CACNA1C: variants seen among roughly 807,000 people sequenced by gnomAD.
CACNA1C encodes voltage-dependent L-type calcium channel subunit alpha-1C.
Under a neutral mutation model 229.0 loss-of-function variants are expected in CACNA1C, and 30 were observed. The observed-to-expected ratio is 0.13, with a 90% CI of 0.10 to 0.18. The LOEUF (loss-of-function observed/expected upper bound fraction) is 0.18, where lower values mean the gene tolerates loss of function less well. Among genes scored for constraint, CACNA1C ranks in the 10% least tolerant of loss-of-function variants. The pLI is 1.00. For synonymous variants in CACNA1C, 1,114 were observed against 1,132.5 expected (o/e 0.98, Z 0.33); for missense variants, 1,658 against 2,845.0 (o/e 0.58, Z 9.49).
chr12:2,290,711 C>T (rs2093400971), intron 3 of CACNA1C, among the ~76,000 whole-genome samples: 1 of 152,218 alleles, frequency 6.6e-6, no homozygotes, highest in South Asian at 2.1e-4. Context: ...CCTGCTGCCT[C>T]CAGGGCTGCT....
intron 3 of CACNA1C, among the ~76,000 whole-genome samples, chr12:2,363,341 C>T (rs2097619662): frequency 6.6e-6 from 1 of 152,182 alleles, no homozygotes; most frequent in Non-Finnish European, 1.5e-5. Context: ...ATCATTCTTC[C>T]CCTCTCCATA....
At position 2,689,507 on chromosome 12, in the gene CACNA1C, TTCAGCTCACATGG is replaced by T. The variant is rs1206853032; in HGVS notation, c.6117+729_6117+741del. On this transcript the variant is annotated intron_variant, in intron 46 of 46. Transcript: ENST00000399655. The surrounding 1 kb of genome is among the most constrained non-coding windows in gnomAD (Gnocchi z 4.2). ...AGGCTCAGCCCACCAGCGGACAGAT[TTCAGCTCACATGG>T]GGAAGACCTTCCCAAATGAGCTCTT... 1.3e-5 allele frequency among the ~76,000 whole-genome samples: 2 copies of T among 151,902 alleles called. No homozygotes were observed. The highest frequency in any genetic ancestry group is 4.8e-5 in the African/African-American group (2 of 41,340).
rs2098703512 is a variant in CACNA1C, at chr12:2,403,627, T to TGATTATCTATAGATAATCTATAGATGATA, written c.478-45347_478-45346insTTATCTATAGATAATCTATAGATGATAGA. Reference sequence around the variant, plus strand: ...GAGACAAGATAATTTATAGATGCATTGACACTATATGATTAGGAAAGTACA... The same window carrying TGATTATCTATAGATAATCTATAGATGATA: ...GAGACAAGATAATTTATAGATGCATTGATTATCTATAGATAATCTATAGATGATAGACACTATATGATTAGGAAAGTACA... On this transcript the variant is annotated intron_variant, in intron 3 of 46. Transcript: ENST00000399655. The surrounding 1 kb of genome is among the most constrained non-coding windows in gnomAD (Gnocchi z 4.1). Among the ~76,000 whole-genome samples, 1 of 147,954 alleles carries TGATTATCTATAGATAATCTATAGATGATA rather than the reference T, an allele frequency of 6.8e-6. No individual in the cohort carries two copies. The highest frequency in any genetic ancestry group is 1.5e-5 in the Non-Finnish European group (1 of 67,264).
At chr12:2,661,316 A>ACACAC (rs1569115699) in intron 34 of CACNA1C, among the ~76,000 whole-genome samples, 1 of 128,496 alleles carries the variant, frequency 7.8e-6, no homozygotes, top group East Asian at 2.3e-4. Flanking sequence ...CACACACACA[A>ACACAC]GATTTTTCTA....
At chr12:2,255,277 A>AC (rs1166532659) in intron 3 of CACNA1C, among the ~76,000 whole-genome samples, 1 of 152,062 alleles carries the variant, frequency 6.6e-6, no homozygotes, top group Non-Finnish European at 1.5e-5. Flanking sequence ...AGAAAAAAAA[A>AC]AAAAAAAAAC....
intron 7 of CACNA1C, among the ~76,000 whole-genome samples, chr12:2,502,354 A>G (rs930183584): frequency 2.0e-5 from 3 of 152,242 alleles, no homozygotes; most frequent in Non-Finnish European, 2.9e-5. Context: ...GCCAGAACCA[A>G]CTGTCCTCGG....
rs770981040 is a variant in CACNA1C at position 2,695,896 on chromosome 12, C to T, written c.*4697C>T. The T allele has an allele frequency of 2.0e-5, 3 of 152,166 alleles. No homozygotes were observed. Among genetic ancestry groups the T allele is most frequent in the East Asian group, 1.9e-4 (1 of 5,190 alleles). 9.4% of individuals were successfully genotyped at this position (152,166 alleles called of 1,614,324 possible). A position where few individuals can be genotyped will look rare whatever the true frequency, so the allele number is the denominator to read the frequency against. ...TTGACGGGGGATGCTTGAACAACCC[C>T]CCTCACTACACAGACACACACCGTT... On this transcript the variant is annotated 3_prime_UTR_variant, in exon 47 of 47. Transcript: ENST00000399655.
chr12:2,161,853 G>A (rs2095874080), intron 3 of CACNA1C, among the ~76,000 whole-genome samples: 1 of 152,120 alleles, frequency 6.6e-6, no homozygotes, highest in Admixed American at 6.5e-5. Flanking sequence ...ATGCTGGTTG[G>A]GGATCTTTGT....
At chr12:2,238,572 A>T (rs987650626) in intron 3 of CACNA1C, among the ~76,000 whole-genome samples, 1 of 152,232 alleles carries the variant, frequency 6.6e-6, no homozygotes, top group Non-Finnish European at 1.5e-5. Flanking sequence ...ATGGTCAGGT[A>T]GCTCTGACAG....
At chr12:2,242,533 G>A (rs1005596436) in intron 3 of CACNA1C, among the ~76,000 whole-genome samples, 1 of 152,212 alleles carries the variant, frequency 6.6e-6, no homozygotes, top group African/African-American at 2.4e-5. Context: ...GAAACCTACT[G>A]TTTCTTAAAT....
chr12:2,046,049 G>A (rs893821404), intron 1 of CACNA1C, among the ~76,000 whole-genome samples: 2 of 152,038 alleles, frequency 1.3e-5, no homozygotes, highest in Non-Finnish European at 2.9e-5. Flanking sequence ...AAGTTGGAAA[G>A]GGACAAAGAA....
chr12:2,056,197 GTGT>G (rs2054740150), intron 1 of CACNA1C, among the ~76,000 whole-genome samples: 2 of 698 alleles, frequency 2.9e-3, no homozygotes, highest in Non-Finnish European at 5.4e-3. Flanking sequence ...GTGTGTGTGA[GTGT>G]GTGTGTGTGT....
At chr12:2,505,897 CT>C (rs770149390) in intron 8 of CACNA1C, among the ~76,000 whole-genome samples, 1 of 152,126 alleles carries the variant, frequency 6.6e-6, no homozygotes, top group East Asian at 1.9e-4. Flanking sequence ...TGGTCAGCTG[CT>C]TTGCAGAGTC....
chr12:2,100,772 G>C (rs1309151438), intron 1 of CACNA1C, among the ~76,000 whole-genome samples: 1 of 151,150 alleles, frequency 6.6e-6, no homozygotes, highest in Admixed American at 6.6e-5. Flanking sequence ...AGAAAAAAAG[G>C]TCGGGGGCAG....
intron 30 of CACNA1C, among the ~76,000 whole-genome samples, chr12:2,644,240 A>G (rs1377873141): frequency 1.3e-5 from 2 of 152,202 alleles, no homozygotes; most frequent in Admixed American, 1.3e-4. Context: ...CGTTTTCTGT[A>G]GGGCTAAGAC....
At chr12:2,211,667 CCA>C (rs1390365196) in intron 3 of CACNA1C, among the ~76,000 whole-genome samples, 1 of 151,646 alleles carries the variant, frequency 6.6e-6, no homozygotes, top group Non-Finnish European at 1.5e-5. Flanking sequence ...CCTCAAATTC[CCA>C]GTCATTTGGC....
intron 38 of CACNA1C, among the ~76,000 whole-genome samples, chr12:2,671,609 T>G (rs527404394): frequency 6.6e-5 from 10 of 151,944 alleles, no homozygotes; most frequent in African/African-American, 2.4e-4. Flanking sequence ...GGCAGGGAGG[T>G]ATGGAAGCAA....
At position 2,261,916 on chromosome 12, in the gene CACNA1C, A is replaced by C. The variant is rs554789860; in HGVS notation, c.477+141486A>C. ...GTGAGTGGACATTGCATCACATAGT[A>C]GCCTTTCCTCCTAGGAGGCAAAGCA... On this transcript the variant is annotated intron_variant, in intron 3 of 46. Coordinates refer to ENST00000399655, the MANE Select transcript of CACNA1C (RefSeq NM_000719.7). Among the ~76,000 whole-genome samples, 17 of 152,332 alleles carry C rather than the reference A, an allele frequency of 1.1e-4. No individual in the cohort carries two copies. In the South Asian group the frequency reaches 3.5e-3, roughly 32 times the overall value.
intron 3 of CACNA1C, among the ~76,000 whole-genome samples, chr12:2,168,588 G>A (rs1288203447): frequency 1.1e-4 from 16 of 152,224 alleles, no homozygotes; most frequent in Admixed American, 1.0e-3. Context: ...TGCACCACGG[G>A]TGGGTAACAG....
Sources: gnomAD v4.1 joint callset for allele counts (sites outside exome capture counted in the v4.1 genomes callset) on GRCh38, gnomAD v4.1.1 for gene constraint, Gnocchi (gnomAD v3.1) non-coding constraint, MANE v1.5 for transcripts, NCBI Gene and HGNC (gene_info 2026-07-23, HGNC 2026-07-21) for gene names.